The following APLN variants were observed in gnomAD, a reference collection of about 807,000 sequenced individuals.
APLN encodes AGTRL1 ligand.
In APLN, 2 loss-of-function variants were observed where a neutral mutation model predicts 4.3. That is an observed-to-expected ratio of 0.46 (90% CI 0.19 to 1.45). The LOEUF (loss-of-function observed/expected upper bound fraction) is 1.45, where lower values mean the gene tolerates loss of function less well. APLN is among the 40% of genes most tolerant of loss of function. The pLI, the probability that APLN is intolerant of heterozygous loss-of-function variation, is 0.25. For missense variants in APLN, 80 were observed against 70.0 expected (o/e 1.14, Z -0.51); for synonymous variants, 34 against 30.4 (o/e 1.12, Z -0.38).
chrX:129,646,666 A>T lies in APLN; in HGVS notation c.*1257T>A, dbSNP rs1025996994. 8.9e-6 allele frequency: 1 copy of T among 111,933 alleles called. No individual in the cohort carries two copies. Among genetic ancestry groups the T allele is most frequent in the Non-Finnish European group, 1.9e-5 (1 of 53,073 alleles). 9.2% of individuals were successfully genotyped at this position (111,933 alleles called of 1,213,427 possible). The stretch of plus-strand genomic sequence containing the variant: ...TTGAAGGCTACCTCGGACTCCTGAA[A>T]ACCACCCTGGGGTTGAGCGGTAGTC... On this transcript the variant is annotated 3_prime_UTR_variant, in exon 3 of 3. Coordinates refer to ENST00000429967, the MANE Select transcript of APLN (RefSeq NM_017413.5).
intron 1 of APLN, 26 bp from the exon 2 acceptor site, chrX:129,648,818 T>C (rs1318571616): frequency 2.5e-5 from 29 of 1,137,737 alleles, no homozygotes; most frequent in Non-Finnish European, 3.0e-5. Flanking sequence ...AGCCTGTTAG[T>C]GAGGAAGGTT....
At chrX:129,650,730 T>A (rs1246421487) in intron 1 of APLN, among the ~76,000 whole-genome samples, 1 of 112,209 alleles carries the variant, frequency 8.9e-6, no homozygotes, top group Non-Finnish European at 1.9e-5. Context: ...TGGCGCCATC[T>A]GTGAGGGGGC....
Position 129,647,705 on chromosome X carries a change from C to CTGGACGGATTCTTGTGAG in APLN, c.*200_*217dup. The CTGGACGGATTCTTGTGAG allele has an allele frequency of 1.0e-6, 1 of 983,023 alleles. No homozygotes were observed. Among genetic ancestry groups the CTGGACGGATTCTTGTGAG allele is most frequent in the Non-Finnish European group, 1.3e-6 (1 of 756,162 alleles). 81.0% of individuals were successfully genotyped at this position (983,023 alleles called of 1,213,427 possible). ...TCCAGGGAGGGGCCAGGAAGATGGA[C>CTGGACGGATTCTTGTGAG]TGGACGGATTCTTGTGAGAGAACGG... On this transcript the variant is annotated 3_prime_UTR_variant, in exon 3 of 3. Transcript: ENST00000429967.
chrX:129,646,818 G>A lies in APLN; in HGVS notation c.*1105C>T, dbSNP rs989191828. On this transcript the variant is annotated 3_prime_UTR_variant, in exon 3 of 3. Coordinates refer to ENST00000429967, the MANE Select transcript of APLN (RefSeq NM_017413.5). ...AATGGTGCAGCAGGGGTAGGTCAGGGAGGTGGGAGCAGCTCCAGCCCCACA... is the reference window on the plus strand; with the variant it reads ...AATGGTGCAGCAGGGGTAGGTCAGGAAGGTGGGAGCAGCTCCAGCCCCACA... 1 of 112,400 alleles carries A rather than the reference G, an allele frequency of 8.9e-6. No homozygotes were observed. Among genetic ancestry groups the A allele is most frequent in the African/African-American group, 3.2e-5 (1 of 30,793 alleles). The allele number at this position is 112,400 out of a possible 1,213,427, so 9.3% of individuals were successfully genotyped here. A position where few individuals can be genotyped will look rare whatever the true frequency, so the allele number is the denominator to read the frequency against.
intron 1 of APLN, 106 bp from the exon 2 acceptor site, chrX:129,648,898 C>A: frequency 1.3e-6 from 1 of 773,615 alleles, no homozygotes; most frequent in Non-Finnish European, 1.8e-6. Context: ...GGTGGCACTT[C>A]TCATAGATTT....
chrX:129,648,685 G>A lies in APLN; in HGVS notation c.175C>T (p.Arg59Trp), dbSNP rs747898955. The A allele has an allele frequency of 1.5e-5, 18 of 1,185,701 alleles. No homozygotes were observed. The highest frequency in any genetic ancestry group is 7.0e-5 in the African/African-American group (4 of 57,017). Residue 59 changes from arginine (R) to tryptophan (W), a missense_variant, in exon 2 of 3, where the codon CGG becomes TGG. By Grantham distance (101) the Arg-to-Trp change is moderately radical. Coordinates refer to ENST00000429967, the MANE Select transcript of APLN (RefSeq NM_017413.5). The part of the protein sequence containing the change: ...RNGPGPWQGG[R>W]RKFRRQRPRL... Reference sequence around the variant, plus strand: ...GGCCGCTGGCGGCGGAATTTCCTCCGACCTCCCTGCCAGGGCCCTGGCCCA... The same window carrying A: ...GGCCGCTGGCGGCGGAATTTCCTCCAACCTCCCTGCCAGGGCCCTGGCCCA...
At position 129,654,441 on chromosome X, in the gene APLN, G is replaced by C. The variant is rs1203244936; in HGVS notation, c.67+123C>G. The C allele has an allele frequency of 1.9e-5, 11 of 566,869 alleles. No homozygotes were observed. In the East Asian group the frequency reaches 3.3e-4, roughly 17 times the overall value. 46.7% of individuals were successfully genotyped at this position (566,869 alleles called of 1,213,427 possible). ...GTCAATCTGCTGCCTGGCGCTGGCCGGCGCGTGGCTGCTACTGCACGGCTC... is the reference window on the plus strand; with the variant it reads ...GTCAATCTGCTGCCTGGCGCTGGCCCGCGCGTGGCTGCTACTGCACGGCTC... On this transcript the variant is annotated intron_variant, in intron 1 of 2. Coordinates refer to ENST00000429967, the MANE Select transcript of APLN (RefSeq NM_017413.5).
At chrX:129,651,822 A>G (rs1283901547) in intron 1 of APLN, among the ~76,000 whole-genome samples, 4 of 111,679 alleles carry the variant, frequency 3.6e-5, no homozygotes, top group Non-Finnish European at 5.7e-5. Flanking sequence ...GCCCAAACGT[A>G]TGCTCCGGTG....
At chrX:129,649,126 G>T (rs890570078) in intron 1 of APLN, among the ~76,000 whole-genome samples, 2 of 110,885 alleles carry the variant, frequency 1.8e-5, no homozygotes, top group African/African-American at 6.6e-5. Context: ...TGGCTGGGGG[G>T]CAGGAGGCAG....
In APLN at chrX:129,649,650, G is replaced by T. The variant is rs141074773; in HGVS notation, c.68-858C>A. 6.8e-3 allele frequency among the ~76,000 whole-genome samples: 764 copies of T among 111,746 alleles called. 5 individuals are homozygous for T. Among genetic ancestry groups the T allele is most frequent in the African/African-American group, 0.023 (702 of 30,737 alleles). ...AGGAGGGGGGTGGGCTGTTGCAGTT[G>T]GTACCTCCCCACCAATGCCCTACCT... On this transcript the variant is annotated intron_variant, in intron 1 of 2. Transcript: ENST00000429967.
intron 1 of APLN, among the ~76,000 whole-genome samples, chrX:129,650,433 C>A (rs1936971967): frequency 9.0e-6 from 1 of 110,502 alleles, no homozygotes; most frequent in Non-Finnish European, 1.9e-5. Context: ...GCAGTTCTCC[C>A]CACTCACACC....
intron 1 of APLN, among the ~76,000 whole-genome samples, chrX:129,649,602 C>CT (rs1936965840): frequency 8.9e-6 from 1 of 111,740 alleles, no homozygotes; most frequent in Non-Finnish European, 1.9e-5. Flanking sequence ...CAATGGTCAC[C>CT]TTCAGCAGCA....
chrX:129,645,490 C>A lies in APLN; in HGVS notation c.*2433G>T, dbSNP rs1266728301. The A allele has an allele frequency of 8.9e-6, 1 of 112,441 alleles. No homozygotes were observed. The highest frequency in any genetic ancestry group is 1.9e-5 in the Non-Finnish European group (1 of 53,283). 9.3% of individuals were successfully genotyped at this position (112,441 alleles called of 1,213,427 possible). Reference sequence around the variant, plus strand: ...TACAAAACAATTTTTAGTAGCGATCCTGCATTTAATCAGTATGTTCTTAAA... The same window carrying A: ...TACAAAACAATTTTTAGTAGCGATCATGCATTTAATCAGTATGTTCTTAAA... On this transcript the variant is annotated 3_prime_UTR_variant, in exon 3 of 3. Transcript: ENST00000429967.
rs1936943311 is a variant in APLN, at chrX:129,646,757, C to G, written c.*1166G>C. The G allele has an allele frequency of 8.9e-6, 1 of 112,111 alleles. No individual in the cohort carries two copies. Among genetic ancestry groups the G allele is most frequent in the African/African-American group, 3.3e-5 (1 of 30,763 alleles). The allele number at this position is 112,111 out of a possible 1,213,427, so 9.2% of individuals were successfully genotyped here. A position where few individuals can be genotyped will look rare whatever the true frequency, so the allele number is the denominator to read the frequency against. ...GGAATGCTGCCAGTTATGGGGGCAGCTGGCCAGTTATGGAACCTTCCAGCC... is the reference window on the plus strand; with the variant it reads ...GGAATGCTGCCAGTTATGGGGGCAGGTGGCCAGTTATGGAACCTTCCAGCC... On this transcript the variant is annotated 3_prime_UTR_variant, in exon 3 of 3. Transcript: ENST00000429967.
intron 1 of APLN, among the ~76,000 whole-genome samples, chrX:129,651,494 C>A (rs1232620373): frequency 8.9e-6 from 1 of 112,257 alleles, no homozygotes; most frequent in Admixed American, 9.4e-5. Flanking sequence ...TGGAGGCCAG[C>A]CCTAATGCAC....
chrX:129,648,227 A>G (rs1302440806), intron 2 of APLN, among the ~76,000 whole-genome samples: 1 of 111,315 alleles, frequency 9.0e-6, no homozygotes, highest in African/African-American at 3.3e-5. Flanking sequence ...GAGCCCCTAG[A>G]GCTCTCTGCC....
Position 129,647,854 on chromosome X carries a change from A to C in APLN, c.*69T>G, listed in dbSNP as rs1859446503. 1 of 982,894 alleles carries C rather than the reference A, an allele frequency of 1.0e-6. No homozygotes were observed. Among genetic ancestry groups the C allele is most frequent in the Non-Finnish European group, 1.3e-6 (1 of 756,049 alleles). The allele number at this position is 982,894 out of a possible 1,213,427, so 81.0% of individuals were successfully genotyped here. On this transcript the variant is annotated 3_prime_UTR_variant, in exon 3 of 3. Transcript: ENST00000429967. ...CTGAATGGACGTGAGGCCTCCAGAGAAGCAGACCAATCTATGGAGGAGACA... is the reference window on the plus strand; with the variant it reads ...CTGAATGGACGTGAGGCCTCCAGAGCAGCAGACCAATCTATGGAGGAGACA...
At chrX:129,649,052 C>T (rs185471651) in intron 1 of APLN, among the ~76,000 whole-genome samples, 1 of 112,034 alleles carries the variant, frequency 8.9e-6, no homozygotes, top group African/African-American at 3.2e-5. Flanking sequence ...CTGACAGGCA[C>T]AAGTGGGTTC....
chrX:129,654,787 C>T lies in APLN; in HGVS notation c.-157G>A, dbSNP rs1440973125. 5 of 254,523 alleles carry T rather than the reference C, an allele frequency of 2.0e-5. No individual in the cohort carries two copies. The highest frequency in any genetic ancestry group is 3.3e-5 in the Non-Finnish European group (5 of 151,982). The allele number at this position is 254,523 out of a possible 1,213,427, so 21.0% of individuals were successfully genotyped here. On this transcript the variant is annotated 5_prime_UTR_variant, in exon 1 of 3. Coordinates refer to ENST00000429967, the MANE Select transcript of APLN (RefSeq NM_017413.5). The stretch of plus-strand genomic sequence containing the variant: ...TGAGTGTGCGCGCTGAGCCCCGCCG[C>T]TCCCGCTGGCCGCCTCCGCTCTTCT...
Sources: gnomAD v4.1 joint callset for allele counts (sites outside exome capture counted in the v4.1 genomes callset) on GRCh38, gnomAD v4.1.1 for gene constraint, MANE v1.5 for transcripts, NCBI Gene and HGNC (gene_info 2026-07-23, HGNC 2026-07-21) for gene names.